The following FLYWCH1 variants were observed in gnomAD, a reference collection of about 807,000 sequenced individuals.
FLYWCH1 encodes the protein FLYWCH-type zinc finger 1.
FLYWCH1 carries 75 observed loss-of-function variants against 66.4 expected under a neutral mutation model. The ratio of observed to expected loss-of-function variants is 1.13; its 90% CI spans 0.94 to 1.37. The LOEUF is 1.37. Ranked by LOEUF, FLYWCH1 falls within the 40% of genes most tolerant of loss-of-function variation. The pLI is 0.00. For missense variants in FLYWCH1, 1,334 were observed against 1,001.8 expected (o/e 1.33, Z -4.48); for synonymous variants, 595 against 429.9 (o/e 1.38, Z -4.75).
At chr16:2,919,534 G>A (rs570294991) in intron 2 of FLYWCH1, among the ~76,000 whole-genome samples, 12 of 152,134 alleles carry the variant, frequency 7.9e-5, no homozygotes, top group African/African-American at 2.9e-4. Flanking sequence ...GAAGTGCTGG[G>A]ATTACAGGCG....
chr16:2,917,462 C>T (rs2070211723), intron 2 of FLYWCH1, among the ~76,000 whole-genome samples: 1 of 151,926 alleles, frequency 6.6e-6, no homozygotes, highest in South Asian at 2.1e-4. Context: ...CTCCTGACCT[C>T]AGGTGATCCG....
chr16:2,923,690 C>T (rs967431818), intron 2 of FLYWCH1, among the ~76,000 whole-genome samples: 1 of 152,198 alleles, frequency 6.6e-6, no homozygotes, highest in African/African-American at 2.4e-5. Flanking sequence ...CTGGAGCTCA[C>T]ACATAGTTTT....
chr16:2,919,060 C>CA (rs1167321733), intron 2 of FLYWCH1, among the ~76,000 whole-genome samples: 1 of 151,560 alleles, frequency 6.6e-6, no homozygotes, highest in Admixed American at 6.6e-5. Flanking sequence ...CTCCACCTCC[C>CA]AAGTAGCTGG....
At chr16:2,920,991 G>A (rs542762732) in intron 2 of FLYWCH1, among the ~76,000 whole-genome samples, 4 of 151,940 alleles carry the variant, frequency 2.6e-5, no homozygotes, top group Admixed American at 6.6e-5. Flanking sequence ...ACAGGCGCCC[G>A]CCACCACGCC....
In FLYWCH1 at chr16:2,951,053, A is replaced by C. The variant is rs1282664236; in HGVS notation, c.*2326A>C. 1 of 152,306 alleles carries C rather than the reference A, an allele frequency of 6.6e-6. No homozygotes were observed. The highest frequency in any genetic ancestry group is 1.5e-5 in the Non-Finnish European group (1 of 68,092). 9.4% of individuals were successfully genotyped at this position (152,306 alleles called of 1,614,324 possible). On this transcript the variant is annotated 3_prime_UTR_variant, in exon 10 of 10. Transcript: ENST00000253928. Reference sequence around the variant, plus strand: ...CAGCCCGGCAGCAGCTCAGCGGGGCAGCTCCTGCTTCCAGCCCTGCCTCTG... The same window carrying C: ...CAGCCCGGCAGCAGCTCAGCGGGGCCGCTCCTGCTTCCAGCCCTGCCTCTG...
chr16:2,933,663 C>G (rs2070869443), intron 5 of FLYWCH1, 53 bp from the exon 6 acceptor site: 1 of 1,571,918 alleles, frequency 6.4e-7, no homozygotes, highest in Non-Finnish European at 8.6e-7. Flanking sequence ...GGGGTGCGAT[C>G]AGGCCTACCC....
chr16:2,930,638 G>C lies in FLYWCH1; in HGVS notation c.554G>C (p.Arg185Pro). 1 of 1,548,090 alleles carries C rather than the reference G, an allele frequency of 6.5e-7. No individual in the cohort carries two copies. Among genetic ancestry groups the C allele is most frequent in the Non-Finnish European group, 8.7e-7 (1 of 1,147,354 alleles). The change falls in exon 4 of 10, where the codon CGC (arginine) becomes CCC (proline). Residue 185 changes from arginine to proline, a missense_variant. Coordinates refer to ENST00000253928, the MANE Select transcript of FLYWCH1 (RefSeq NM_001308068.2). Reference protein sequence around the residue: ...APDEQGLEARRQREKLPSLAL... With the variant: ...APDEQGLEARPQREKLPSLAL... Reference sequence around the variant, plus strand: ...GATGAGCAAGGCCTGGAGGCCCGGCGCCAGAGGGAGAAACTGCCCAGCCTG... The same window carrying C: ...GATGAGCAAGGCCTGGAGGCCCGGCCCCAGAGGGAGAAACTGCCCAGCCTG...
Position 2,930,786 on chromosome 16 carries a change from G to T in FLYWCH1, c.702G>T (p.Leu234=). 1 of 1,592,374 alleles carries T rather than the reference G, an allele frequency of 6.3e-7. No individual in the cohort carries two copies. Among genetic ancestry groups the T allele is most frequent in the Admixed American group, 1.7e-5 (1 of 58,012 alleles). Residue 234 remains leucine, a synonymous_variant, in exon 4 of 10, where the codon CTG becomes CTT. Transcript: ENST00000253928. ...AGGAGCCCGAGCCCACTCCTGGGCTGGTGCTGAGCAAGCCGGCCCTGGAGG... is the reference window on the plus strand; with the variant it reads ...AGGAGCCCGAGCCCACTCCTGGGCTTGTGCTGAGCAAGCCGGCCCTGGAGG... The part of the protein sequence containing the change: ...CPEEPEPTPG[L]VLSKPALEEE...
intron 8 of FLYWCH1, 187 bp from the exon 9 acceptor site, chr16:2,939,845 T>C: frequency 1.7e-6 from 1 of 571,486 alleles, no homozygotes; most frequent in Non-Finnish European, 3.0e-6. Flanking sequence ...AGGTCAACTC[T>C]TAGGAGCTCA....
intron 6 of FLYWCH1, chr16:2,935,671 C>G (rs986686474): frequency 3.3e-5 from 5 of 152,144 alleles, no homozygotes; most frequent in African/African-American, 4.8e-5. Context: ...GGTGCAGAGC[C>G]TGCCCTTGAA....
intron 9 of FLYWCH1, among the ~76,000 whole-genome samples, chr16:2,948,291 G>T (rs1302391659): frequency 1.3e-5 from 2 of 152,150 alleles, no homozygotes; most frequent in African/African-American, 4.8e-5. Flanking sequence ...AGGTGAGGTG[G>T]CTCATGCCTG....
chr16:2,919,889 G>A (rs938705732), intron 2 of FLYWCH1, among the ~76,000 whole-genome samples: 3 of 152,018 alleles, frequency 2.0e-5, no homozygotes, highest in Non-Finnish European at 2.9e-5. Flanking sequence ...TTAAATTTGC[G>A]CTTCCCCCGT....
chr16:2,923,272 G>A (rs985282987), intron 2 of FLYWCH1: 6 of 272,396 alleles, frequency 2.2e-5, no homozygotes, highest in African/African-American at 9.2e-5. Flanking sequence ...TTTTGAAATG[G>A]AGTCTCGCTC....
At position 2,938,674 on chromosome 16, in the gene FLYWCH1, G is replaced by A. The variant is rs554421453; in HGVS notation, c.2050+218G>A. Among the ~76,000 whole-genome samples the A allele has an allele frequency of 1.2e-4, 17 of 147,206 alleles. 1 individual carries two copies. Among genetic ancestry groups the A allele is most frequent in the African/African-American group, 4.0e-4 (16 of 40,014 alleles). On this transcript the variant is annotated intron_variant, in intron 8 of 9. Coordinates refer to ENST00000253928, the MANE Select transcript of FLYWCH1 (RefSeq NM_001308068.2). The stretch of plus-strand genomic sequence containing the variant: ...GTTGCCCAGGCTGGAGTGCACTGGC[G>A]CGATCTCGGCTCACTGCAAGCTCCG...
rs982912466 is a variant in FLYWCH1, at chr16:2,912,015, G to T, written c.-327G>T. ...CACGGGGCTCGCTCCCGAGGGGCAG[G>T]TCGGGGCTGGGAGCTGGTGCCCGGG... is the stretch of plus-strand genomic sequence containing the variant. On this transcript the variant is annotated 5_prime_UTR_variant, in exon 1 of 10. Coordinates refer to ENST00000253928, the MANE Select transcript of FLYWCH1 (RefSeq NM_001308068.2). 1.3e-5 allele frequency: 2 copies of T among 152,538 alleles called. No individual in the cohort carries two copies. The highest frequency in any genetic ancestry group is 4.8e-5 in the African/African-American group (2 of 41,462). The allele number at this position is 152,538 out of a possible 1,614,324, so 9.4% of individuals were successfully genotyped here. A position where few individuals can be genotyped will look rare whatever the true frequency, so the allele number is the denominator to read the frequency against.
chr16:2,930,608 C>T lies in FLYWCH1; in HGVS notation c.524C>T (p.Ala175Val), dbSNP rs374328950. ...ACAGTGATGCGGGGCCACTGCCACG[C>T]GCCCGATGAGCAAGGCCTGGAGGCC... ...RATVMRGHCH[A>V]PDEQGLEARR... The change falls in exon 4 of 10, where the codon GCG becomes GTG. Residue 175 changes from alanine to valine, a missense_variant. Ala to Val is a moderately conservative substitution (Grantham distance 64, BLOSUM62 0). Transcript: ENST00000253928. 6.6e-4 allele frequency: 1,022 copies of T among 1,551,950 alleles called. 6 individuals carry two copies. The African/African-American group carries it at 0.012, about 19-fold the overall frequency.
intron 2 of FLYWCH1, among the ~76,000 whole-genome samples, chr16:2,923,955 G>C (rs576058688): frequency 1.3e-5 from 2 of 152,210 alleles, no homozygotes; most frequent in East Asian, 3.9e-4. Context: ...AGAATAGCTT[G>C]AAACTCAGGA....
At position 2,929,886 on chromosome 16, in the gene FLYWCH1, C is replaced by G. The variant is rs745495254; in HGVS notation, c.201C>G (p.Ser67=). Residue 67 remains serine, a synonymous_variant, in exon 3 of 10, where the codon TCC becomes TCG. Transcript: ENST00000253928. ...SKPQEVHCVL[S]LEMAGPATLA... is the part of the protein sequence containing the mutation. ...CCCAGGAAGTGCACTGCGTCCTGTC[C>G]CTGGAGATGGCTGGCCCCGCCACCC... 6.2e-7 allele frequency: 1 copy of G among 1,613,872 alleles called. No individual in the cohort carries two copies. The highest frequency in any genetic ancestry group is 1.1e-5 in the South Asian group (1 of 91,086).
chr16:2,941,373 G>GCTTAGAGGGAAATCT (rs1355533239), intron 9 of FLYWCH1, among the ~76,000 whole-genome samples: 16 of 152,202 alleles, frequency 1.1e-4, no homozygotes, highest in Admixed American at 4.6e-4. Flanking sequence ...TGAAAGCCGT[G>GCTTAGAGGGAAATCT]CTTAGAGGGA....
Sources: gnomAD v4.1 joint callset for allele counts (sites outside exome capture counted in the v4.1 genomes callset) on GRCh38, gnomAD v4.1.1 for gene constraint, MANE v1.5 for transcripts, NCBI Gene and HGNC (gene_info 2026-07-23, HGNC 2026-07-21) for gene names.